VSNL1: variants seen among roughly 807,000 people sequenced by gnomAD.
VSNL1 encodes the protein visinin like 1.
Under a neutral mutation model 20.4 loss-of-function variants are expected in VSNL1, and 6 were observed. That is an observed-to-expected ratio of 0.29 (90% CI 0.16 to 0.58). The LOEUF is 0.58. VSNL1 is among the 20% of genes least tolerant of loss of function. VSNL1 has a pLI of 0.90. For synonymous variants in VSNL1, 93 were observed against 86.4 expected, an observed-to-expected ratio of 1.08 and a Z score of -0.42; for missense variants, 100 against 234.5, an observed-to-expected ratio of 0.43 and a Z score of 3.75.
intron 2 of VSNL1, among the ~76,000 whole-genome samples, chr2:17,644,140 A>T (rs1036710884): frequency 6.6e-6 from 1 of 151,010 alleles, no homozygotes; most frequent in Non-Finnish European, 1.5e-5. Context: ...TACCACTACA[A>T]TGGGGTCCTA....
intron 2 of VSNL1, among the ~76,000 whole-genome samples, chr2:17,594,789 G>C (rs940666599): frequency 6.6e-6 from 1 of 152,232 alleles, no homozygotes; most frequent in Non-Finnish European, 1.5e-5. Context: ...TTAAGGAGGA[G>C]CAGGATAATG....
chr2:17,556,157 C>T (rs1572329530), intron 1 of VSNL1, among the ~76,000 whole-genome samples: 1 of 152,270 alleles, frequency 6.6e-6, no homozygotes, highest in African/African-American at 2.4e-5. Flanking sequence ...AAGAAGAACT[C>T]TTGGACCCTG....
At chr2:17,610,904 T>A (rs1267563980) in intron 2 of VSNL1, among the ~76,000 whole-genome samples, 1 of 152,132 alleles carries the variant, frequency 6.6e-6, no homozygotes. Flanking sequence ...AAGAAGAAAA[T>A]CTTTGCTTGA....
chr2:17,626,065 C>G (rs569090272), intron 2 of VSNL1, among the ~76,000 whole-genome samples: 1 of 151,996 alleles, frequency 6.6e-6, no homozygotes, highest in Non-Finnish European at 1.5e-5. Flanking sequence ...GTGATCCGCC[C>G]GCCTCAGCTT....
At chr2:17,545,759 A>C (rs2103334877) in intron 1 of VSNL1, among the ~76,000 whole-genome samples, 1 of 152,274 alleles carries the variant, frequency 6.6e-6, no homozygotes, top group East Asian at 1.9e-4. Context: ...GGAATAGTAA[A>C]TTACTGAGGA....
At chr2:17,648,513 A>G in intron 2 of VSNL1, among the ~76,000 whole-genome samples, 1 of 152,254 alleles carries the variant, frequency 6.6e-6, no homozygotes, top group East Asian at 1.9e-4. Context: ...AGAGCCCAGA[A>G]CCCAGATTTA....
chr2:17,576,473 G>T (rs1664217510), intron 1 of VSNL1, among the ~76,000 whole-genome samples: 1 of 152,100 alleles, frequency 6.6e-6, no homozygotes, highest in Non-Finnish European at 1.5e-5. Flanking sequence ...AGTGTTTTCT[G>T]GTGGGTTATA....
chr2:17,566,960 T>C (rs1663961367), intron 1 of VSNL1, among the ~76,000 whole-genome samples: 1 of 152,224 alleles, frequency 6.6e-6, no homozygotes, highest in Non-Finnish European at 1.5e-5. Context: ...ATTGCCATTT[T>C]GTATTTTTCC....
At chr2:17,547,140 A>G (rs1663422370) in intron 1 of VSNL1, among the ~76,000 whole-genome samples, 1 of 152,028 alleles carries the variant, frequency 6.6e-6, no homozygotes, top group African/African-American at 2.4e-5. Context: ...TTCTTCAGCT[A>G]GGTATATTAA....
At chr2:17,614,071 G>A (rs560814746) in intron 2 of VSNL1, among the ~76,000 whole-genome samples, 4 of 152,314 alleles carry the variant, frequency 2.6e-5, no homozygotes, top group Non-Finnish European at 4.4e-5. Context: ...TCAGATTTGA[G>A]TGGGGCTCTG....
intron 1 of VSNL1, among the ~76,000 whole-genome samples, chr2:17,581,317 C>A (rs968525861): frequency 5.9e-5 from 9 of 151,982 alleles, no homozygotes; most frequent in Non-Finnish European, 1.2e-4. Context: ...AGGGTTTATC[C>A]TTGAAAATAT....
chr2:17,546,073 ACT>A (rs1272694924), intron 1 of VSNL1: 1 of 151,900 alleles, frequency 6.6e-6, no homozygotes, highest in Non-Finnish European at 1.5e-5. Context: ...GACTTGGAGT[ACT>A]CTCATTCACC....
intron 1 of VSNL1, among the ~76,000 whole-genome samples, chr2:17,572,993 A>G (rs558362432): frequency 1.3e-5 from 2 of 152,370 alleles, no homozygotes; most frequent in East Asian, 3.9e-4. Context: ...AATACTGGAC[A>G]TATAAAAGCC....
intron 1 of VSNL1, chr2:17,541,225 C>G (rs959497950): frequency 6.6e-6 from 1 of 152,134 alleles, no homozygotes; most frequent in Non-Finnish European, 1.5e-5. Flanking sequence ...ATTTAAGTAG[C>G]TAATTGACCG....
chr2:17,624,272 G>C (rs1019483511), intron 2 of VSNL1, among the ~76,000 whole-genome samples: 1 of 152,186 alleles, frequency 6.6e-6, no homozygotes, highest in Non-Finnish European at 1.5e-5. Context: ...CCAGGTCTGA[G>C]GCTCACTCGC....
chr2:17,650,093 G>A (rs541030263), intron 3 of VSNL1, among the ~76,000 whole-genome samples: 6 of 152,272 alleles, frequency 3.9e-5, no homozygotes, highest in Admixed American at 2.0e-4. Flanking sequence ...CACCCACTGC[G>A]TACTGCATTC....
At chr2:17,541,363 A>C (rs1330621750) in intron 1 of VSNL1, 1 of 152,204 alleles carries the variant, frequency 6.6e-6, no homozygotes, top group African/African-American at 2.4e-5. Flanking sequence ...TGCTAAGTAA[A>C]ACTGAGTGGA....
At chr2:17,614,655 C>T (rs1482568453) in intron 2 of VSNL1, among the ~76,000 whole-genome samples, 1 of 152,178 alleles carries the variant, frequency 6.6e-6, no homozygotes, top group East Asian at 1.9e-4. Context: ...TTAGCAGGGC[C>T]CACCAGGAAG....
chr2:17,606,253 A>T (rs905299226), intron 2 of VSNL1, among the ~76,000 whole-genome samples: 8 of 152,082 alleles, frequency 5.3e-5, no homozygotes, highest in Admixed American at 2.0e-4. Flanking sequence ...ATTGACATAA[A>T]CGTCTGATAT....
Sources: gnomAD v4.1 joint callset for allele counts (sites outside exome capture counted in the v4.1 genomes callset) on GRCh38, gnomAD v4.1.1 for gene constraint, MANE v1.5 for transcripts, NCBI Gene and HGNC (gene_info 2026-07-23, HGNC 2026-07-21) for gene names.